The following RIMBP2 variants were observed in gnomAD, a reference collection of about 807,000 sequenced individuals.
RIMBP2 encodes the protein RIMS binding protein 2, also known as RIMS-binding protein 2.
In RIMBP2, 48 loss-of-function variants were observed where a neutral mutation model predicts 118.6. That is an observed-to-expected ratio of 0.40 (90% CI 0.32 to 0.51). RIMBP2 has a LOEUF of 0.51. RIMBP2 is among the 20% of genes least tolerant of loss of function. The pLI is 0.41. For synonymous variants in RIMBP2, 762 were observed against 742.9 expected, an observed-to-expected ratio of 1.03 and a Z score of -0.42; for missense variants, 1,551 against 1,768.3, an observed-to-expected ratio of 0.88 and a Z score of 2.20.
intron 17 of RIMBP2, among the ~76,000 whole-genome samples, chr12:130,417,866 G>GT (rs995096473): frequency 2.0e-5 from 3 of 151,692 alleles, no homozygotes; most frequent in African/African-American, 7.3e-5. Context: ...AGAGAGAATG[G>GT]GAGGGGAGAG....
chr12:130,617,712 C>T lies in RIMBP2; in HGVS notation c.-217+10610G>A, dbSNP rs2061033110. Reference sequence around the variant, plus strand: ...TAAGCAGCCCAGCACCTTCAGTCCTCGAAGGTCCGCAGATGCACCCCAGTT... The same window carrying T: ...TAAGCAGCCCAGCACCTTCAGTCCTTGAAGGTCCGCAGATGCACCCCAGTT... On this transcript the variant is annotated intron_variant, in intron 2 of 22. Coordinates refer to ENST00000690449, the MANE Select transcript of RIMBP2 (RefSeq NM_001393629.1). This position sits in a 1 kb window ranked among gnomAD's most constrained non-coding sequence, Gnocchi z 4.6. 6.6e-6 allele frequency among the ~76,000 whole-genome samples: 1 copy of T among 152,180 alleles called. No individual in the cohort carries two copies. The highest frequency in any genetic ancestry group is 1.9e-4 in the East Asian group (1 of 5,188).
chr12:130,637,294 T>G (rs985918842), intron 1 of RIMBP2, among the ~76,000 whole-genome samples: 3 of 152,210 alleles, frequency 2.0e-5, no homozygotes, highest in African/African-American at 7.2e-5. Flanking sequence ...GGGAGGCCTC[T>G]GGGAGTAGAG....
At chr12:130,492,993 T>A (rs2048783316) in intron 4 of RIMBP2, among the ~76,000 whole-genome samples, 1 of 152,068 alleles carries the variant, frequency 6.6e-6, no homozygotes, top group South Asian at 2.1e-4. Context: ...TAGCCAAATG[T>A]GGTGGCAAAC....
Position 130,493,956 on chromosome 12 carries a change from G to A in RIMBP2, c.-4+12692C>T, listed in dbSNP as rs779118300. Among the ~76,000 whole-genome samples, 6 of 152,300 alleles carry A rather than the reference G, an allele frequency of 3.9e-5. No individual in the cohort carries two copies. The East Asian group carries it at 7.7e-4, about 20-fold the overall frequency. On this transcript the variant is annotated intron_variant, in intron 4 of 22. Transcript: ENST00000690449. ...AGCACCAACTACGTCCAGGTGGCCC[G>A]ACAGGCACTGGAGACACAGTGGACA...
chr12:130,410,765 T>C (rs1034585915), intron 19 of RIMBP2, among the ~76,000 whole-genome samples: 1 of 152,236 alleles, frequency 6.6e-6, no homozygotes, highest in African/African-American at 2.4e-5. Context: ...CATACCTCTA[T>C]AGTAGTAAGC....
intron 12 of RIMBP2, 34 bp downstream of exon 12, chr12:130,438,331 A>ACAAAGC: frequency 6.9e-7 from 1 of 1,459,334 alleles, no homozygotes; most frequent in Non-Finnish European, 9.6e-7. Context: ...TTAGGGCCTA[A>ACAAAGC]CAAACCCTCC....
intron 9 of RIMBP2, 74 bp from the exon 10 acceptor site, chr12:130,445,343 C>T (rs2078441216): frequency 4.1e-6 from 4 of 982,058 alleles, no homozygotes; most frequent in Non-Finnish European, 6.1e-6. Flanking sequence ...TGCAGAACGC[C>T]AGACGGGCAC....
chr12:130,597,154 T>C (rs764593419), intron 2 of RIMBP2, among the ~76,000 whole-genome samples: 1 of 152,268 alleles, frequency 6.6e-6, no homozygotes, highest in Non-Finnish European at 1.5e-5. Context: ...TGTAGGTCAC[T>C]ATGACTCATA....
rs1361818607 is a variant in RIMBP2 at position 130,420,035 on chromosome 12, ATAAG to A, written c.3238+2414_3238+2417del. The stretch of plus-strand genomic sequence containing the variant: ...ACAGACTTAATTTCCTCTGAAAAAG[ATAAG>A]TAATCCTTTGAAATATAGATTTCTA... On this transcript the variant is annotated intron_variant, in intron 17 of 22. Coordinates refer to ENST00000690449, the MANE Select transcript of RIMBP2 (RefSeq NM_001393629.1). This position sits in a 1 kb window ranked among gnomAD's most constrained non-coding sequence, Gnocchi z 4.3. Among the ~76,000 whole-genome samples, 1 of 152,230 alleles carries A rather than the reference ATAAG, an allele frequency of 6.6e-6. No homozygotes were observed. The highest frequency in any genetic ancestry group is 2.4e-5 in the African/African-American group (1 of 41,460).
chr12:130,613,281 G>A (rs1594040069), intron 2 of RIMBP2, among the ~76,000 whole-genome samples: 3 of 152,272 alleles, frequency 2.0e-5, no homozygotes, highest in East Asian at 1.9e-4. Context: ...TGGGAGCTGC[G>A]ACCGCCCCGC....
Position 130,515,766 on chromosome 12 carries a change from C to T in RIMBP2, c.-127+2062G>A, listed in dbSNP as rs547568760. ...AGGCTGGAGTGCAATGGCATGATCT[C>T]GGCTCACTGCAACCTCAACCTCCCA... On this transcript the variant is annotated intron_variant, in intron 3 of 22. Transcript: ENST00000690449. 5.0e-4 allele frequency among the ~76,000 whole-genome samples: 76 copies of T among 152,106 alleles called. 1 individual carries two copies. The highest frequency in any genetic ancestry group is 3.5e-3 in the South Asian group (17 of 4,818).
chr12:130,419,780 G>GT lies in RIMBP2; in HGVS notation c.3238+2672dup, dbSNP rs1369712816. On this transcript the variant is annotated intron_variant, in intron 17 of 22. Coordinates refer to ENST00000690449, the MANE Select transcript of RIMBP2 (RefSeq NM_001393629.1). The surrounding 1 kb of genome is among the most constrained non-coding windows in gnomAD (Gnocchi z 4.3). Reference sequence around the variant, plus strand: ...AACGTGGTGCTTCGGTTTTAGAAGAGTGAAGCTACAGGCCTTCTGTCTGAC... The same window carrying GT: ...AACGTGGTGCTTCGGTTTTAGAAGAGTTGAAGCTACAGGCCTTCTGTCTGAC... The GT allele has an allele frequency of 2.0e-5, 3 of 152,164 alleles. No individual in the cohort carries two copies. Among genetic ancestry groups the GT allele is most frequent in the African/African-American group, 7.2e-5 (3 of 41,434 alleles). The allele number at this position is 152,164 out of a possible 1,614,324, so 9.4% of individuals were successfully genotyped here. A position where few individuals can be genotyped will look rare whatever the true frequency, so the allele number is the denominator to read the frequency against.
intron 1 of RIMBP2, among the ~76,000 whole-genome samples, chr12:130,677,711 G>A (rs2064561235): frequency 6.6e-6 from 1 of 152,010 alleles, no homozygotes; most frequent in South Asian, 2.1e-4. Context: ...GTGGGGTCAA[G>A]CCTTTGTCAA....
At chr12:130,616,312 C>A (rs2060932030) in intron 2 of RIMBP2, among the ~76,000 whole-genome samples, 1 of 151,898 alleles carries the variant, frequency 6.6e-6, no homozygotes, top group South Asian at 2.1e-4. Context: ...TCTTCCTCCG[C>A]TGTCTTGCTC....
In RIMBP2 at chr12:130,483,520, G is replaced by A. The variant is rs910614603; in HGVS notation, c.-3-4504C>T. 9.2e-5 allele frequency among the ~76,000 whole-genome samples: 14 copies of A among 152,312 alleles called. No homozygotes were observed. The East Asian group carries it at 1.7e-3, about 19-fold the overall frequency. ...CAGTCCTGCTGGGGGCTGGCCTGTCGGCTGAGAAGGCCAAGGAAGCCCCCC... is the reference window on the plus strand; with the variant it reads ...CAGTCCTGCTGGGGGCTGGCCTGTCAGCTGAGAAGGCCAAGGAAGCCCCCC... On this transcript the variant is annotated intron_variant, in intron 4 of 22. Coordinates refer to ENST00000690449, the MANE Select transcript of RIMBP2 (RefSeq NM_001393629.1).
At chr12:130,516,652 T>C (rs1378962873) in intron 3 of RIMBP2, among the ~76,000 whole-genome samples, 1 of 151,298 alleles carries the variant, frequency 6.6e-6, no homozygotes, top group African/African-American at 2.4e-5. Context: ...GATGATGGAG[T>C]GGAGTGTTCT....
rs529212342 is a variant in RIMBP2 at position 130,496,364 on chromosome 12, T to C, written c.-4+10284A>G. Reference sequence around the variant, plus strand: ...TGATTGTGAGGCCTCCCCAGCCACATAGAATGGTGAGTCCATTAAACCTCT... The same window carrying C: ...TGATTGTGAGGCCTCCCCAGCCACACAGAATGGTGAGTCCATTAAACCTCT... On this transcript the variant is annotated intron_variant, in intron 4 of 22. Transcript: ENST00000690449. Among the ~76,000 whole-genome samples the C allele has an allele frequency of 7.2e-5, 11 of 152,322 alleles. No individual in the cohort carries two copies. The East Asian group carries it at 9.6e-4, about 13-fold the overall frequency.
intron 1 of RIMBP2, among the ~76,000 whole-genome samples, chr12:130,693,650 CAA>C (rs1204505285): frequency 6.6e-6 from 1 of 152,164 alleles, no homozygotes; most frequent in East Asian, 1.9e-4. Context: ...TAACAGAACC[CAA>C]GTCTCTGGAG....
intron 1 of RIMBP2, among the ~76,000 whole-genome samples, chr12:130,632,625 A>C (rs1423543584): frequency 6.6e-6 from 1 of 152,146 alleles, no homozygotes; most frequent in Non-Finnish European, 1.5e-5. Flanking sequence ...AAAGAGGCTA[A>C]GGGGCTTTAA....
Sources: allele counts gnomAD v4.1 joint callset (sites outside exome capture counted in the v4.1 genomes callset), GRCh38; gene constraint gnomAD v4.1.1; non-coding constraint Gnocchi (gnomAD v3.1); transcripts MANE v1.5; gene names NCBI Gene and HGNC (gene_info 2026-07-23, HGNC 2026-07-21).